MCM9: variants seen among roughly 807,000 people sequenced by gnomAD.
The protein encoded by MCM9 is minichromosome maintenance 9 homologous recombination repair factor.
MCM9 carries 55 observed loss-of-function variants against 72.8 expected under a neutral mutation model. The observed-to-expected ratio is 0.76, with a 90% CI of 0.61 to 0.95. The LOEUF (loss-of-function observed/expected upper bound fraction) is 0.95, where lower values mean the gene tolerates loss of function less well. MCM9 is among the 40% of genes least tolerant of loss of function. The pLI is 0.00. For missense variants in MCM9, 1,279 were observed against 1,377.0 expected (o/e 0.93, Z 1.13); for synonymous variants, 480 against 503.4 (o/e 0.95, Z 0.62).
chr6:118,926,509 G>A (rs553998530), intron 3 of MCM9, among the ~76,000 whole-genome samples: 8 of 152,308 alleles, frequency 5.3e-5, no homozygotes, highest in African/African-American at 1.9e-4. Context: ...GTAAGTCAGG[G>A]ATATCTGAAC....
At chr6:118,894,522 G>C in intron 8 of MCM9, 1 of 1,536,632 alleles carries the variant, frequency 6.5e-7, no homozygotes, top group Non-Finnish European at 8.7e-7. Context: ...CCTGTCTGAA[G>C]GTGAGTGCGG....
intron 8 of MCM9, among the ~76,000 whole-genome samples, chr6:118,861,148 A>C (rs1018708438): frequency 2.0e-5 from 3 of 152,190 alleles, no homozygotes; most frequent in Non-Finnish European, 4.4e-5. Context: ...AGCTCCAGGT[A>C]CCGGTTCCAT....
chr6:118,819,500 T>A (rs538832965), intron 13 of MCM9, among the ~76,000 whole-genome samples: 3 of 152,302 alleles, frequency 2.0e-5, no homozygotes, highest in Admixed American at 2.0e-4. Context: ...AGCTTTTTGA[T>A]GTGCTGCTGT....
intron 11 of MCM9, 104 bp downstream of exon 11, chr6:118,827,823 G>T: frequency 3.7e-6 from 4 of 1,079,656 alleles, no homozygotes; most frequent in South Asian, 1.5e-5. Context: ...GAGCACCTTA[G>T]AGTGGGAGTT....
chr6:118,931,761 T>C (rs747571865), intron 2 of MCM9, 23 bp from the exon 3 acceptor site: 3 of 1,499,016 alleles, frequency 2.0e-6, no homozygotes, highest in Non-Finnish European at 1.8e-6. Context: ...AAAAGGATCA[T>C]ATTATATATT....
chr6:118,925,354 C>T (rs1781804102), intron 3 of MCM9, among the ~76,000 whole-genome samples: 1 of 152,106 alleles, frequency 6.6e-6, no homozygotes, highest in Admixed American at 6.5e-5. Flanking sequence ...ATGAGAAATG[C>T]CATAATAGGA....
intron 8 of MCM9, chr6:118,910,920 T>TAG (rs1233756159): frequency 1.0e-6 from 1 of 985,426 alleles, no homozygotes; most frequent in Middle Eastern, 5.2e-4. Flanking sequence ...CAATGGAAGT[T>TAG]AATCTGACTC....
chr6:118,849,650 T>C (rs918071723), intron 9 of MCM9, among the ~76,000 whole-genome samples: 1 of 151,820 alleles, frequency 6.6e-6, no homozygotes, highest in African/African-American at 2.4e-5. Flanking sequence ...GTGGTCCTTC[T>C]ACTTAGAGAC....
Position 118,820,444 on chromosome 6 carries a change from C to A in MCM9, c.1962-4150G>T, listed in dbSNP as rs370075373. On this transcript the variant is annotated intron_variant, in intron 13 of 13. Coordinates refer to ENST00000619706, the MANE Select transcript of MCM9 (RefSeq NM_017696.3). ...TAGTTGTGCAGTTTTGAGTGAGTTTCTTAATCCTGAGTTCTAATTTGATTG... is the reference window on the plus strand; with the variant it reads ...TAGTTGTGCAGTTTTGAGTGAGTTTATTAATCCTGAGTTCTAATTTGATTG... Among the ~76,000 whole-genome samples the A allele has an allele frequency of 2.6e-5, 4 of 152,154 alleles. No homozygotes were observed. In the South Asian group the frequency reaches 6.2e-4, roughly 24 times the overall value.
Position 118,911,945 on chromosome 6 carries a change from C to T in MCM9, c.1031-176G>A, listed in dbSNP as rs1583641447. ...GTCATAAACAGTCCTTAATTGATTA[C>T]TCAATGTGACATAGAATCTAAATTC... On this transcript the variant is annotated intron_variant, in intron 7 of 13. Transcript: ENST00000619706. The T allele has an allele frequency of 2.1e-5, 10 of 473,390 alleles. No individual in the cohort carries two copies. The East Asian group carries it at 3.2e-4, about 15-fold the overall frequency. The allele number at this position is 473,390 out of a possible 1,614,324, so 29.3% of individuals were successfully genotyped here.
intron 9 of MCM9, among the ~76,000 whole-genome samples, chr6:118,851,805 T>C (rs1221152137): frequency 6.6e-6 from 1 of 152,180 alleles, no homozygotes; most frequent in South Asian, 2.1e-4. Context: ...ACTATAATAA[T>C]ACACATTTTT....
intron 8 of MCM9, among the ~76,000 whole-genome samples, chr6:118,883,082 A>T (rs898936495): frequency 3.3e-5 from 5 of 151,580 alleles, no homozygotes; most frequent in Non-Finnish European, 5.9e-5. Flanking sequence ...AAAAAAAAAA[A>T]AAAAAAGGGA....
At chr6:118,911,615 A>C (rs993389314) in intron 8 of MCM9, 35 bp downstream of exon 8, 1 of 1,587,194 alleles carries the variant, frequency 6.3e-7, no homozygotes, top group Middle Eastern at 1.7e-4. Context: ...CTTCTGAAGT[A>C]ATGTTAAATT....
intron 3 of MCM9, among the ~76,000 whole-genome samples, chr6:118,930,597 G>A (rs1400617353): frequency 6.6e-6 from 1 of 152,074 alleles, no homozygotes; most frequent in Non-Finnish European, 1.5e-5. Flanking sequence ...TAATTAGGGG[G>A]TTGACAGGGA....
chr6:118,890,720 T>C (rs1778888262), intron 8 of MCM9, among the ~76,000 whole-genome samples: 1 of 152,230 alleles, frequency 6.6e-6, no homozygotes, highest in Non-Finnish European at 1.5e-5. Context: ...AAATCTCTAG[T>C]CTATATTTAT....
At chr6:118,876,586 T>G (rs1777945443) in intron 8 of MCM9, among the ~76,000 whole-genome samples, 1 of 152,188 alleles carries the variant, frequency 6.6e-6, no homozygotes, top group Non-Finnish European at 1.5e-5. Context: ...GTTGTGACCC[T>G]GAGTTGGGCA....
At chr6:118,894,030 G>A (rs2114475042) in intron 8 of MCM9, 1 of 994,286 alleles carries the variant, frequency 1.0e-6, no homozygotes, top group Non-Finnish European at 1.2e-6. Context: ...CACTCACTTT[G>A]TTCTCCGCCT....
At chr6:118,861,730 G>T (rs887414967) in intron 8 of MCM9, among the ~76,000 whole-genome samples, 7 of 152,150 alleles carry the variant, frequency 4.6e-5, no homozygotes, top group African/African-American at 1.7e-4. Flanking sequence ...CATGCTGACT[G>T]GTCCACGGGT....
intron 8 of MCM9, among the ~76,000 whole-genome samples, chr6:118,895,686 TTTAA>T (rs1291260335): frequency 6.6e-6 from 1 of 152,228 alleles, no homozygotes; most frequent in African/African-American, 2.4e-5. Flanking sequence ...TTATCTTTGC[TTTAA>T]TTATCTTTTA....
Sources: gnomAD v4.1 joint callset for allele counts (sites outside exome capture counted in the v4.1 genomes callset) on GRCh38, gnomAD v4.1.1 for gene constraint, MANE v1.5 for transcripts, NCBI Gene and HGNC (gene_info 2026-07-23, HGNC 2026-07-21) for gene names.